Variants in NCAM1 observed in about 807,000 individuals in gnomAD.
NCAM1 encodes antigen recognized by monoclonal antibody 5.1H11.
Under a neutral mutation model 109.8 loss-of-function variants are expected in NCAM1, and 14 were observed. The observed-to-expected ratio is 0.13, with a 90% confidence interval of 0.08 to 0.20. The LOEUF is 0.20. NCAM1 is among the 10% of genes least tolerant of loss of function. The pLI, the probability that NCAM1 is intolerant of heterozygous loss-of-function variation, is 1.00. For synonymous variants in NCAM1, 418 were observed against 442.9 expected (o/e 0.94, Z 0.70); for missense variants, 774 against 1,109.9 (o/e 0.70, Z 4.30).
At chr11:113,044,963 C>T (rs1953214351) in intron 1 of NCAM1, among the ~76,000 whole-genome samples, 1 of 152,026 alleles carries the variant, frequency 6.6e-6, no homozygotes, top group East Asian at 2.0e-4. Context: ...ACCGTGTTAG[C>T]AAGGATGGTC....
chr11:113,097,549 C>T (rs1325181530), intron 1 of NCAM1, among the ~76,000 whole-genome samples: 1 of 151,058 alleles, frequency 6.6e-6, no homozygotes, highest in East Asian at 1.9e-4. Context: ...TGACTGCCAG[C>T]TTCATTGGGA....
At chr11:113,100,684 G>A (rs1939833601) in intron 1 of NCAM1, among the ~76,000 whole-genome samples, 4 of 152,130 alleles carry the variant, frequency 2.6e-5, no homozygotes, top group Admixed American at 2.6e-4. Flanking sequence ...ACACCACTCT[G>A]CTCCTCTGCC....
chr11:112,990,505 T>C (rs1951429308), intron 1 of NCAM1, among the ~76,000 whole-genome samples: 1 of 151,996 alleles, frequency 6.6e-6, no homozygotes, highest in Non-Finnish European at 1.5e-5. Context: ...GGGACTGAGG[T>C]CAGCAACCCT....
chr11:113,263,827 G>C, intron 17 of NCAM1: 1 of 985,502 alleles, frequency 1.0e-6, no homozygotes, highest in Non-Finnish European at 1.2e-6. Flanking sequence ...TACCTGGCCT[G>C]TGTGTGCTCA....
chr11:113,107,653 G>A (rs61902843), intron 1 of NCAM1, among the ~76,000 whole-genome samples: 26 of 152,204 alleles, frequency 1.7e-4, no homozygotes, highest in African/African-American at 5.5e-4. Context: ...ATCAGATCTC[G>A]TGAGACTTTC....
intron 1 of NCAM1, among the ~76,000 whole-genome samples, chr11:113,178,718 T>C (rs1336209775): frequency 6.6e-6 from 1 of 152,212 alleles, no homozygotes; most frequent in Non-Finnish European, 1.5e-5. Flanking sequence ...AAATGGCACA[T>C]AAGCTCCCTG....
intron 17 of NCAM1, chr11:113,262,899 G>T (rs1946048912): frequency 6.2e-7 from 1 of 1,613,844 alleles, no homozygotes; most frequent in Non-Finnish European, 8.5e-7. Context: ...GCTTTTCTCT[G>T]CAGTGACTCT....
chr11:113,246,265 C>A, intron 14 of NCAM1, 103 bp from the exon 15 acceptor site: 1 of 653,968 alleles, frequency 1.5e-6, no homozygotes, highest in South Asian at 1.7e-5. Flanking sequence ...TTCCATGTGA[C>A]CTCCTCCACT....
At chr11:113,041,503 A>G (rs1360905146) in intron 1 of NCAM1, among the ~76,000 whole-genome samples, 3 of 152,268 alleles carry the variant, frequency 2.0e-5, no homozygotes, top group African/African-American at 7.2e-5. Context: ...GAGAGTAACT[A>G]TATAATGAAT....
chr11:113,124,442 C>T (rs1941095969), intron 1 of NCAM1, among the ~76,000 whole-genome samples: 1 of 152,208 alleles, frequency 6.6e-6, no homozygotes, highest in South Asian at 2.1e-4. Flanking sequence ...AGATCTCCAC[C>T]TCTCTTTTCT....
chr11:113,147,704 T>C (rs1431165001), intron 1 of NCAM1, among the ~76,000 whole-genome samples: 1 of 152,184 alleles, frequency 6.6e-6, no homozygotes, highest in African/African-American at 2.4e-5. Context: ...ATAGGACATA[T>C]CATTTATGGG....
chr11:113,147,815 T>C (rs1942072236), intron 1 of NCAM1, among the ~76,000 whole-genome samples: 1 of 152,194 alleles, frequency 6.6e-6, no homozygotes, highest in Non-Finnish European at 1.5e-5. Flanking sequence ...ATTTACAGTT[T>C]CATATAGTCA....
intron 8 of NCAM1, among the ~76,000 whole-genome samples, chr11:113,215,024 C>A (rs1159949934): frequency 6.6e-6 from 1 of 152,144 alleles, no homozygotes; most frequent in African/African-American, 2.4e-5. Flanking sequence ...CATTTGGATA[C>A]CATTTTGTTC....
intron 1 of NCAM1, among the ~76,000 whole-genome samples, chr11:113,076,082 C>T (rs1938511985): frequency 6.6e-6 from 1 of 152,180 alleles, no homozygotes; most frequent in Non-Finnish European, 1.5e-5. Context: ...GTTCCCAATC[C>T]TCTTTTGAAC....
intron 1 of NCAM1, among the ~76,000 whole-genome samples, chr11:113,124,548 A>T (rs1158176147): frequency 1.3e-5 from 2 of 152,174 alleles, no homozygotes; most frequent in South Asian, 4.1e-4. Flanking sequence ...CAGTCACAAG[A>T]TATTTCTGAA....
At chr11:113,046,638 A>C (rs1028695303) in intron 1 of NCAM1, among the ~76,000 whole-genome samples, 2 of 152,232 alleles carry the variant, frequency 1.3e-5, no homozygotes. Context: ...AGATGAATGA[A>C]TGGATGAATA....
In NCAM1 at chr11:113,275,414, A is replaced by G; in HGVS notation, c.*27A>G. On this transcript the variant is annotated 3_prime_UTR_variant, in exon 20 of 20. Coordinates refer to ENST00000316851, the MANE Select transcript of NCAM1 (RefSeq NM_181351.5). ...GGGTGAAGAGAACCGAGCAAAGATC[A>G]AAATAAAAAGTGACACAGCAGCTTC... 1.2e-6 allele frequency: 2 copies of G among 1,603,888 alleles called. No homozygotes were observed. The highest frequency in any genetic ancestry group is 1.1e-5 in the South Asian group (1 of 89,538).
intron 1 of NCAM1, among the ~76,000 whole-genome samples, chr11:112,972,215 T>C (rs1555066915): frequency 6.6e-6 from 1 of 152,110 alleles, no homozygotes; most frequent in Non-Finnish European, 1.5e-5. Flanking sequence ...GTGTGTTCCC[T>C]GTTTGGGAGG....
intron 15 of NCAM1, among the ~76,000 whole-genome samples, chr11:113,250,601 A>T (rs897535641): frequency 8.5e-5 from 13 of 152,368 alleles, no homozygotes; most frequent in African/African-American, 2.9e-4. Context: ...AATCAACCAA[A>T]GGAGACAGGA....
Sources: gnomAD v4.1 joint callset for allele counts (sites outside exome capture counted in the v4.1 genomes callset) on GRCh38, gnomAD v4.1.1 for gene constraint, MANE v1.5 for transcripts, NCBI Gene and HGNC (gene_info 2026-07-23, HGNC 2026-07-21) for gene names.